CTSO: variants seen among roughly 807,000 people sequenced by gnomAD.
CTSO encodes the protein cathepsin O.
Under a neutral mutation model 42.4 loss-of-function variants are expected in CTSO, and 40 were observed. The observed-to-expected ratio is 0.94, with a 90% CI of 0.73 to 1.23. The LOEUF is 1.23. CTSO is among the 50% of genes most tolerant of loss of function. The pLI is 0.00. For missense variants in CTSO, 441 were observed against 396.0 expected, an observed-to-expected ratio of 1.11 and a Z score of -0.96; for synonymous variants, 156 against 146.2, an observed-to-expected ratio of 1.07 and a Z score of -0.48.
Position 155,942,405 on chromosome 4 carries a change from A to T in CTSO, c.296T>A (p.Val99Glu), listed in dbSNP as rs2110926593. ...AGACACATTGGGGATGGACATATGTACTTCTGCTGAGTATCTGGGAAACTT... is the reference window on the plus strand; with the variant it reads ...AGACACATTGGGGATGGACATATGTTCTTCTGCTGAGTATCTGGGAAACTT... ...PSKFPRYSAEVHMSIPNVSLP... is the reference protein window; with the variant it reads ...PSKFPRYSAEEHMSIPNVSLP... The change falls in exon 3 of 8, where the codon GTA (valine) becomes GAA (glutamate). Residue 99 changes from valine (V) to glutamate (E), a missense_variant. Val to Glu is a moderately radical substitution (Grantham distance 121). Coordinates refer to ENST00000433477, the MANE Select transcript of CTSO (RefSeq NM_001334.3). 1 of 1,588,758 alleles carries T rather than the reference A, an allele frequency of 6.3e-7. No homozygotes were observed. Among genetic ancestry groups the T allele is most frequent in the Non-Finnish European group, 8.6e-7 (1 of 1,168,756 alleles).
In CTSO at chr4:155,943,135, A is replaced by G. The variant is rs77933374; in HGVS notation, c.244+21T>C. 9,207 of 1,422,700 alleles carry G rather than the reference A, an allele frequency of 6.5e-3. 427 individuals are homozygous for G. In the African/African-American group the frequency reaches 0.11, roughly 17 times the overall value. 88.1% of individuals were successfully genotyped at this position (1,422,700 alleles called of 1,614,324 possible). A position where few individuals can be genotyped will look rare whatever the true frequency, so the allele number is the denominator to read the frequency against. ...CAAATTAAAATCAGGAAACCACCTAAATAGCAACATCGGACTATACCTTTA... is the reference window on the plus strand; with the variant it reads ...CAAATTAAAATCAGGAAACCACCTAGATAGCAACATCGGACTATACCTTTA... On this transcript the variant is annotated intron_variant, in intron 2 of 7. Coordinates refer to ENST00000433477, the MANE Select transcript of CTSO (RefSeq NM_001334.3).
intron 3 of CTSO, 26 bp from the exon 4 acceptor site, chr4:155,939,564 G>A: frequency 6.3e-7 from 1 of 1,581,128 alleles, no homozygotes; most frequent in Non-Finnish European, 8.6e-7. Flanking sequence ...AAAAGGGGTG[G>A]TATTTCCAGG....
At chr4:155,947,638 G>C (rs574686278) in intron 1 of CTSO, among the ~76,000 whole-genome samples, 2 of 152,248 alleles carry the variant, frequency 1.3e-5, no homozygotes, top group Non-Finnish European at 1.5e-5. Context: ...AAAAAGCCCT[G>C]TATTTCATTT....
At chr4:155,951,689 G>C (rs1370011633) in intron 1 of CTSO, among the ~76,000 whole-genome samples, 1 of 152,092 alleles carries the variant, frequency 6.6e-6, no homozygotes, top group Non-Finnish European at 1.5e-5. Context: ...CAGATCTTCA[G>C]CTGCAAACCC....
intron 1 of CTSO, among the ~76,000 whole-genome samples, chr4:155,951,657 T>C (rs965494697): frequency 1.3e-5 from 2 of 152,212 alleles, no homozygotes; most frequent in African/African-American, 4.8e-5. Flanking sequence ...ACATTACTAA[T>C]TAATCAAGGA....
chr4:155,938,875 T>C (rs918133427), intron 4 of CTSO, among the ~76,000 whole-genome samples: 1 of 152,152 alleles, frequency 6.6e-6, no homozygotes, highest in Non-Finnish European at 1.5e-5. Context: ...CAGAAACACT[T>C]GAACCCGGGA....
chr4:155,939,432 G>C lies in CTSO; in HGVS notation c.491C>G (p.Ser164Trp), dbSNP rs755173766. ...TCCATTGCAGCCATAATTATTATAC[G>C]AACAGTCAATGACCTGCTGGACACT... is the stretch of plus-strand genomic sequence containing the variant. The part of the protein sequence containing the change: ...DLSVQQVIDC[S>W]YNNYGCNGGS... Residue 164 changes from serine to tryptophan, a missense_variant, in exon 4 of 8, where the codon TCG becomes TGG. By Grantham distance (177) the Ser-to-Trp change is radical. Transcript: ENST00000433477. 6.2e-7 allele frequency: 1 copy of C among 1,614,010 alleles called. No individual in the cohort carries two copies. Among genetic ancestry groups the C allele is most frequent in the Admixed American group, 1.7e-5 (1 of 60,022 alleles).
chr4:155,928,013 A>G (rs1743161637), intron 7 of CTSO, among the ~76,000 whole-genome samples: 2 of 152,148 alleles, frequency 1.3e-5, no homozygotes, highest in Non-Finnish European at 2.9e-5. Flanking sequence ...TAAATTTGGA[A>G]CAAGAAGACA....
At chr4:155,939,274 T>C in intron 4 of CTSO, 97 bp downstream of exon 4, 1 of 1,054,746 alleles carries the variant, frequency 9.5e-7, no homozygotes, top group East Asian at 2.4e-5. Flanking sequence ...CGTGGAAACA[T>C]TATTTAATAT....
At chr4:155,931,681 T>C (rs1743236383) in intron 5 of CTSO, among the ~76,000 whole-genome samples, 1 of 152,022 alleles carries the variant, frequency 6.6e-6, no homozygotes, top group South Asian at 2.1e-4. Context: ...AACATGTACA[T>C]TGTTATAATG....
At chr4:155,943,366 CT>C (rs1267012172) in intron 1 of CTSO, 102 bp from the exon 2 acceptor site, 6 of 610,154 alleles carry the variant, frequency 9.8e-6, no homozygotes, top group African/African-American at 5.5e-5. Flanking sequence ...AAAGTTAAAG[CT>C]TGATTTCCTT....
intron 1 of CTSO, among the ~76,000 whole-genome samples, chr4:155,951,009 G>A (rs1187398766): frequency 6.6e-6 from 1 of 151,962 alleles, no homozygotes; most frequent in Non-Finnish European, 1.5e-5. Flanking sequence ...GGCTGATTAC[G>A]GCAAGCACAT....
At position 155,926,084 on chromosome 4, in the gene CTSO, A is replaced by C; in HGVS notation, c.932-14T>G. 6.5e-7 allele frequency: 1 copy of C among 1,547,800 alleles called. No homozygotes were observed. Among genetic ancestry groups the C allele is most frequent in the Non-Finnish European group, 8.8e-7 (1 of 1,137,866 alleles). ...AATCTGCAATACCTAAGGGAAAAAA[A>C]AGGAATTATTAGTCTATTTCCTCTT... On this transcript the variant is annotated splice_polypyrimidine_tract_variant and intron_variant, in intron 7 of 7. Transcript: ENST00000433477.
chr4:155,945,658 A>T, intron 1 of CTSO, among the ~76,000 whole-genome samples: 1 of 152,238 alleles, frequency 6.6e-6, no homozygotes, highest in East Asian at 1.9e-4. Context: ...AAATAAGACC[A>T]GTGTTACCCT....
intron 5 of CTSO, among the ~76,000 whole-genome samples, chr4:155,931,768 GGAAATAATAATTCGTTATTATTATAAC>G (rs990868136): frequency 2.0e-5 from 3 of 149,682 alleles, no homozygotes; most frequent in African/African-American, 7.4e-5. Context: ...CTACAGTTTT[GGAAATAATAATTCGTTATTATTATAAC>G]GAATTATTAT....
chr4:155,933,264 G>T (rs1433963297), intron 5 of CTSO, among the ~76,000 whole-genome samples: 3 of 152,082 alleles, frequency 2.0e-5, no homozygotes, highest in Non-Finnish European at 4.4e-5. Context: ...TTTATCAGGG[G>T]TTTCCACTTC....
At chr4:155,935,617 T>A (rs1307483227) in intron 5 of CTSO, among the ~76,000 whole-genome samples, 1 of 152,116 alleles carries the variant, frequency 6.6e-6, no homozygotes, top group East Asian at 1.9e-4. Flanking sequence ...TTTCTCTTCC[T>A]CCCACTGTTT....
chr4:155,929,022 C>T (rs1000878040), intron 6 of CTSO, among the ~76,000 whole-genome samples: 1 of 152,200 alleles, frequency 6.6e-6, no homozygotes, highest in African/African-American at 2.4e-5. Context: ...GGGCAAGGAA[C>T]ACCTGGCCGA....
chr4:155,926,038 A>G lies in CTSO; in HGVS notation c.964T>C (p.Ter322ArgextTer12). The change falls in exon 8 of 8, where the codon TGA becomes CGA. Residue 322 changes from the stop codon to arginine, a stop_lost. Transcript: ENST00000433477. ...TGTCTCTTGATCTGCCCAACATGTC[A>G]CACAAATATAGAAGAAACGGAATCT... ...IADSVSSIFV[*>R] 6.2e-7 allele frequency: 1 copy of G among 1,603,752 alleles called. No individual in the cohort carries two copies. Among genetic ancestry groups the G allele is most frequent in the South Asian group, 1.1e-5 (1 of 89,396 alleles).
Sources: allele counts gnomAD v4.1 joint callset (sites outside exome capture counted in the v4.1 genomes callset), GRCh38; gene constraint gnomAD v4.1.1; transcripts MANE v1.5; gene names NCBI Gene and HGNC (gene_info 2026-07-23, HGNC 2026-07-21).